SEC24C: variants seen among roughly 807,000 people sequenced by gnomAD.
SEC24C encodes protein transport protein Sec24C.
A neutral mutation model predicts 117.0 loss-of-function variants in SEC24C; 22 were observed. The observed-to-expected ratio is 0.19, with a 90% CI of 0.13 to 0.27. SEC24C has a LOEUF of 0.27. SEC24C is among the 10% of genes least tolerant of loss of function. SEC24C has a pLI of 1.00. For missense variants in SEC24C, 1,155 were observed against 1,375.1 expected (o/e 0.84, Z 2.53); for synonymous variants, 506 against 529.4 (o/e 0.96, Z 0.61).
In SEC24C at chr10:73,747,009, G is replaced by A; in HGVS notation, c.172+5G>A. The A allele has an allele frequency of 6.2e-7, 1 of 1,608,758 alleles. No homozygotes were observed. Among genetic ancestry groups the A allele is most frequent in the Non-Finnish European group, 8.5e-7 (1 of 1,176,916 alleles). On this transcript the variant is annotated splice_donor_5th_base_variant and intron_variant, in intron 2 of 22. Coordinates refer to ENST00000345254, the MANE Select transcript of SEC24C (RefSeq NM_198597.3). ...ATCAGCAAACACCTCCCCAAGGTAT[G>A]TTTCTGTTTCTGTTTCCTTTGAGCT...
intron 5 of SEC24C, 96 bp downstream of exon 5, chr10:73,760,482 C>A: frequency 7.0e-7 from 1 of 1,419,802 alleles, no homozygotes; most frequent in Non-Finnish European, 9.4e-7. Flanking sequence ...GTATTACTTG[C>A]TAAGTGGTGA....
At chr10:73,744,487 C>G (rs973423223) in intron 1 of SEC24C, 50 bp downstream of exon 1, 4 of 152,726 alleles carry the variant, frequency 2.6e-5, no homozygotes, top group Non-Finnish European at 5.9e-5. Flanking sequence ...AAGGAGAGGT[C>G]AGGGTATTAC....
chr10:73,766,263 G>T, intron 11 of SEC24C, 53 bp downstream of exon 11: 1 of 1,589,490 alleles, frequency 6.3e-7, no homozygotes, highest in Non-Finnish European at 8.6e-7. Context: ...GGGTGTCTGG[G>T]TTGACTGAAG....
intron 15 of SEC24C, 35 bp from the exon 16 acceptor site, chr10:73,768,775 G>C (rs2082924377): frequency 3.1e-6 from 5 of 1,603,718 alleles, no homozygotes; most frequent in African/African-American, 1.3e-5. Flanking sequence ...GCTATGTCTA[G>C]TCAGTGACAT....
In SEC24C at chr10:73,766,058, CT is replaced by C. The variant is rs1367823652; in HGVS notation, c.1483-27del. On this transcript the variant is annotated intron_variant, in intron 10 of 22. Transcript: ENST00000345254. The stretch of plus-strand genomic sequence containing the variant: ...TCAACTGGCCTGCTTACCATTCCCC[CT>C]CTCCCCAACATTTTCTTCCTCTGCA... 6 of 1,608,212 alleles carry C rather than the reference CT, an allele frequency of 3.7e-6. No individual in the cohort carries two copies. In the South Asian group the frequency reaches 6.6e-5, roughly 18 times the overall value.
chr10:73,765,638 C>T, intron 9 of SEC24C, 49 bp downstream of exon 9: 1 of 1,603,810 alleles, frequency 6.2e-7, no homozygotes, highest in Non-Finnish European at 8.5e-7. Context: ...ATTGTATCTT[C>T]CTTGTTCTCT....
At position 73,765,822 on chromosome 10, in the gene SEC24C, C is replaced by A; in HGVS notation, c.1389C>A (p.His463Gln). 1 of 1,614,070 alleles carries A rather than the reference C, an allele frequency of 6.2e-7. No individual in the cohort carries two copies. The highest frequency in any genetic ancestry group is 2.2e-5 in the East Asian group (1 of 44,882). ...CAGTTCCCCCCCAGTATTTTCAGCA[C>A]CTGGATCATACCGGCAAACGTGTGG... is the stretch of plus-strand genomic sequence containing the variant. Reference protein sequence around the residue: ...INDVPPQYFQHLDHTGKRVDA... With the variant: ...INDVPPQYFQQLDHTGKRVDA... Residue 463 changes from histidine to glutamine, a missense_variant, in exon 10 of 23, where the codon CAC becomes CAA. Transcript: ENST00000345254.
Position 73,768,810 on chromosome 10 carries a change from G to T in SEC24C, c.2182G>T (p.Val728Leu), listed in dbSNP as rs376707409. 13 of 1,612,960 alleles carry T rather than the reference G, an allele frequency of 8.1e-6. No homozygotes were observed. Among genetic ancestry groups the T allele is most frequent in the Non-Finnish European group, 1.1e-5 (13 of 1,180,028 alleles). ...GSVYKYASFQ[V>L]ENDQERFLSD... ...TGACTCTGGACCTGGGGGCCTGCAG[G>T]TGGAGAACGACCAGGAGCGGTTCCT... Residue 728 changes from valine (V) to leucine (L), a missense_variant and splice_region_variant, in exon 16 of 23, where the codon GTG (valine) becomes TTG (leucine). By Grantham distance (32) the Val-to-Leu change is conservative. Coordinates refer to ENST00000345254, the MANE Select transcript of SEC24C (RefSeq NM_198597.3).
In SEC24C at chr10:73,762,177, G is replaced by A. The variant is rs908252532; in HGVS notation, c.988-1313G>A. The A allele has an allele frequency of 5.4e-6, 7 of 1,289,634 alleles. No homozygotes were observed. In the African/African-American group the frequency reaches 1.1e-4, roughly 20 times the overall value. 79.9% of individuals were successfully genotyped at this position (1,289,634 alleles called of 1,614,324 possible). A position where few individuals can be genotyped will look rare whatever the true frequency, so the allele number is the denominator to read the frequency against. On this transcript the variant is annotated intron_variant, in intron 6 of 22. Transcript: ENST00000345254. ...GCCATTCCTAGTCCAGTAAGTGCAG[G>A]GGGTGGGTGTTTGTGCATGTCATTC...
rs1318324039 is a variant in SEC24C, at chr10:73,766,305, G to A, written c.1608-45G>A. 2.5e-6 allele frequency: 4 copies of A among 1,580,370 alleles called. No individual in the cohort carries two copies. The Admixed American group carries it at 5.3e-5, about 21-fold the overall frequency. On this transcript the variant is annotated intron_variant, in intron 11 of 22. Transcript: ENST00000345254. ...AGCTTGGTGTCATGAAGTTGTGGGT[G>A]GTGGAAAAGGTGGCAAGTCTAGGTA...
chr10:73,766,965 G>C, intron 13 of SEC24C, 89 bp from the exon 14 acceptor site: 1 of 1,375,114 alleles, frequency 7.3e-7, no homozygotes, highest in African/African-American at 1.4e-5. Context: ...CAGTGTGTTA[G>C]ACTGTCTGAC....
rs1188393549 is a variant in SEC24C at position 73,748,018 on chromosome 10, C to A, written c.172+1014C>A. On this transcript the variant is annotated intron_variant, in intron 2 of 22. Coordinates refer to ENST00000345254, the MANE Select transcript of SEC24C (RefSeq NM_198597.3). ...CAGTGGCCAGGAAGGTCTTGAAGAA[C>A]TGCTGACCTCAAATGATCCACCAGC... is the stretch of plus-strand genomic sequence containing the variant. Among the ~76,000 whole-genome samples the A allele has an allele frequency of 2.0e-5, 3 of 152,258 alleles. No individual in the cohort carries two copies. The East Asian group carries it at 5.8e-4, about 29-fold the overall frequency.
Position 73,759,699 on chromosome 10 carries a change from C to G in SEC24C, c.386C>G (p.Pro129Arg). Residue 129 changes from proline to arginine, a missense_variant, in exon 4 of 23, where the codon CCT becomes CGT. Pro to Arg is a moderately radical substitution (Grantham distance 103). Coordinates refer to ENST00000345254, the MANE Select transcript of SEC24C (RefSeq NM_198597.3). ...NQPPVLQPYG[P>R]PPTSAQVATQ... ...CCACCTGTGCTTCAGCCCTATGGCCCTCCCCCGACAAGTGCACAGGTGGCT... is the reference window on the plus strand; with the variant it reads ...CCACCTGTGCTTCAGCCCTATGGCCGTCCCCCGACAAGTGCACAGGTGGCT... The G allele has an allele frequency of 6.2e-7, 1 of 1,608,570 alleles. No homozygotes were observed. Among genetic ancestry groups the G allele is most frequent in the Non-Finnish European group, 8.5e-7 (1 of 1,178,360 alleles).
intron 20 of SEC24C, 59 bp from the exon 21 acceptor site, chr10:73,770,221 G>T (rs551757111): frequency 4.7e-6 from 7 of 1,488,928 alleles, no homozygotes; most frequent in African/African-American, 1.4e-5. Flanking sequence ...TGTGTGGTGC[G>T]GGGGGGCAGA....
Position 73,767,945 on chromosome 10 carries a change from G to A in SEC24C, c.2119G>A (p.Ala707Thr), listed in dbSNP as rs755122837. 6.8e-6 allele frequency: 11 copies of A among 1,613,020 alleles called. No individual in the cohort carries two copies. In the African/African-American group the frequency reaches 1.1e-4, roughly 16 times the overall value. The change falls in exon 15 of 23, where the codon GCC (alanine) becomes ACC (threonine). Residue 707 changes from alanine (A) to threonine (T), a missense_variant. Around this residue, in one of 2 missense-constraint regions of SEC24C, gnomAD observed 759 missense variants for 992.3 expected, o/e 0.76. Transcript: ENST00000345254. ...CTTCCCTAACCAGTATGTGGATGTG[G>A]CCACACTCTCTGTTGTGCCCCAGCT... ...FLFPNQYVDV[A>T]TLSVVPQLTG...
At position 73,770,351 on chromosome 10, in the gene SEC24C, G is replaced by A. The variant is rs571281326; in HGVS notation, c.2934G>A (p.Gly978=). The change falls in exon 21 of 23, where the codon GGG becomes GGA. Residue 978 remains glycine (G), a synonymous_variant. Coordinates refer to ENST00000345254, the MANE Select transcript of SEC24C (RefSeq NM_198597.3). The part of the protein sequence containing the change: ...VRASEERLSN[G]DIYLLENGLN... ...CCTCTGAAGAGCGTCTAAGCAATGG[G>A]GATATATATTTACTGGAGAATGGGC... 4.3e-6 allele frequency: 7 copies of A among 1,613,652 alleles called. No individual in the cohort carries two copies. Among genetic ancestry groups the A allele is most frequent in the Admixed American group, 3.3e-5 (2 of 59,978 alleles).
At chr10:73,764,636 A>G (rs2082853073) in intron 8 of SEC24C, among the ~76,000 whole-genome samples, 2 of 152,192 alleles carry the variant, frequency 1.3e-5, no homozygotes, top group South Asian at 4.2e-4. Flanking sequence ...ACATCATTCC[A>G]TGTTTTCCTG....
At position 73,764,003 on chromosome 10, in the gene SEC24C, A is replaced by G; in HGVS notation, c.1227+20A>G. On this transcript the variant is annotated intron_variant, in intron 8 of 22. Transcript: ENST00000345254. ...GAGGAGGTGAGTCAGGGAAGGGGCT[A>G]GAGTGTAATGAAAGGGAGGGAGGTA... 2 of 1,562,586 alleles carry G rather than the reference A, an allele frequency of 1.3e-6. No homozygotes were observed. Among genetic ancestry groups the G allele is most frequent in the African/African-American group, 1.4e-5 (1 of 73,798 alleles).
chr10:73,754,470 A>G (rs372580572), intron 3 of SEC24C, among the ~76,000 whole-genome samples: 35 of 152,320 alleles, frequency 2.3e-4, no homozygotes, highest in African/African-American at 7.5e-4. Context: ...TATAACCCAC[A>G]TCCAATTCTA....
Sources: gnomAD v4.1 joint callset for allele counts (sites outside exome capture counted in the v4.1 genomes callset) on GRCh38, gnomAD v4.1.1 for gene constraint, gnomAD v4.1.1 regional missense constraint, MANE v1.5 for transcripts, NCBI Gene and HGNC (gene_info 2026-07-23, HGNC 2026-07-21) for gene names.